The following HTRA1 variants were observed in gnomAD, a reference collection of about 807,000 sequenced individuals.
HTRA1 encodes the protein serine protease HTRA1.
In HTRA1, 26 loss-of-function variants were observed where a neutral mutation model predicts 49.7. The ratio of observed to expected loss-of-function variants is 0.52; its 90% CI spans 0.38 to 0.73. The LOEUF (loss-of-function observed/expected upper bound fraction) is 0.73. Among genes scored for constraint, HTRA1 ranks in the 30% least tolerant of loss-of-function variants. HTRA1 has a pLI of 0.00. For synonymous variants in HTRA1, 291 were observed against 286.9 expected, an observed-to-expected ratio of 1.01 and a Z score of -0.14; for missense variants, 561 against 667.2, an observed-to-expected ratio of 0.84 and a Z score of 1.75.
rs201305795 is a variant in HTRA1, at chr10:122,489,616, T to C, written c.767T>C (p.Ile256Thr). ...AAAGCAGACATCGCACTCATCAAAA[T>C]TGACCACCAGGTAAGGGTGTTCTCG... ...DEKADIALIK[I>T]DHQGKLPVLL... The change falls in exon 3 of 9, where the codon ATT becomes ACT. Residue 256 changes from isoleucine (I) to threonine (T), a missense_variant. This residue lies in a region of HTRA1 where 271 missense variants were observed against 410.0 expected (regional missense o/e 0.66). Coordinates refer to ENST00000368984, the MANE Select transcript of HTRA1 (RefSeq NM_002775.5). The C allele has an allele frequency of 1.1e-5, 18 of 1,613,454 alleles. No homozygotes were observed. The highest frequency in any genetic ancestry group is 4.0e-5 in the African/African-American group (3 of 74,934).
chr10:122,478,848 C>G (rs895856008), intron 1 of HTRA1, among the ~76,000 whole-genome samples: 1 of 152,210 alleles, frequency 6.6e-6, no homozygotes, highest in Non-Finnish European at 1.5e-5. Flanking sequence ...CACACCTTGC[C>G]CCGTGTTCAG....
chr10:122,505,885 C>T (rs1271994817), intron 3 of HTRA1, among the ~76,000 whole-genome samples: 4 of 152,312 alleles, frequency 2.6e-5, no homozygotes, highest in Admixed American at 6.5e-5. Flanking sequence ...TTCTGTGGTT[C>T]CCCCCAGCTC....
At chr10:122,468,552 G>C (rs746491307) in intron 1 of HTRA1, among the ~76,000 whole-genome samples, 3 of 152,152 alleles carry the variant, frequency 2.0e-5, no homozygotes, top group Non-Finnish European at 2.9e-5. Context: ...CAGAGAAGGA[G>C]GGTGATGTGA....
At position 122,506,703 on chromosome 10, in the gene HTRA1, G is replaced by A; in HGVS notation, c.790G>A (p.Val264Ile). ...ATTGTGGTTTCAGGGCAAGCTGCCT[G>A]TCCTGCTGCTTGGCCGCTCCTCAGA... ...IKIDHQGKLP[V>I]LLLGRSSELR... Residue 264 changes from valine (V) to isoleucine (I), a missense_variant, in exon 4 of 9, where the codon GTC (valine) becomes ATC (isoleucine). Transcript: ENST00000368984. The surrounding 1 kb of genome is among the most constrained non-coding windows in gnomAD (Gnocchi z 5.2). 6.2e-7 allele frequency: 1 copy of A among 1,613,050 alleles called. No individual in the cohort carries two copies. The highest frequency in any genetic ancestry group is 1.1e-5 in the South Asian group (1 of 91,082).
rs974105294 is a variant in HTRA1, at chr10:122,487,400, C to T, written c.473-1502C>T. Among the ~76,000 whole-genome samples the T allele has an allele frequency of 3.9e-5, 6 of 152,166 alleles. No individual in the cohort carries two copies. Among genetic ancestry groups the T allele is most frequent in the African/African-American group, 7.2e-5 (3 of 41,444 alleles). ...GGGACACACTGCCTCTGCCACCACC[C>T]GTGCCACGAAAATGGGAGCCCAGGA... On this transcript the variant is annotated intron_variant, in intron 1 of 8. Transcript: ENST00000368984. The surrounding 1 kb of genome is among the most constrained non-coding windows in gnomAD (Gnocchi z 4.8).
chr10:122,461,827 CG>C lies in HTRA1; in HGVS notation c.178del (p.Asp60ThrfsTer155). On this transcript the variant is annotated frameshift_variant, in exon 1 of 9. Coordinates refer to ENST00000368984, the MANE Select transcript of HTRA1 (RefSeq NM_002775.5). LOFTEE classifies it high-confidence loss of function. ...QPEHCEGGRA[R>X]DACGCCEVCG... ...GGAGCACTGCGAGGGCGGCCGGGCC[CG>C]GGACGCGTGCGGCTGCTGCGAGGTG... 1 of 1,109,198 alleles carries C rather than the reference CG, an allele frequency of 9.0e-7. No homozygotes were observed. The highest frequency in any genetic ancestry group is 1.1e-6 in the Non-Finnish European group (1 of 912,430). 68.7% of individuals were successfully genotyped at this position (1,109,198 alleles called of 1,614,324 possible).
intron 1 of HTRA1, among the ~76,000 whole-genome samples, chr10:122,486,725 AGTG>A (rs978434703): frequency 6.7e-6 from 1 of 150,144 alleles, no homozygotes; most frequent in Non-Finnish European, 1.5e-5. Context: ...TTGCCACTCT[AGTG>A]ATGAGAGAGG....
chr10:122,476,146 A>G (rs1361931096), intron 1 of HTRA1, among the ~76,000 whole-genome samples: 1 of 152,172 alleles, frequency 6.6e-6, no homozygotes, highest in Non-Finnish European at 1.5e-5. Flanking sequence ...TGACCCTCAG[A>G]GAGAACATAG....
intron 1 of HTRA1, among the ~76,000 whole-genome samples, chr10:122,477,866 C>G (rs1417884838): frequency 6.6e-6 from 1 of 151,822 alleles, no homozygotes; most frequent in Non-Finnish European, 1.5e-5. Context: ...GCATTTTATG[C>G]TCCTGCCTTT....
At chr10:122,466,454 A>G (rs2097483822) in intron 1 of HTRA1, among the ~76,000 whole-genome samples, 1 of 152,200 alleles carries the variant, frequency 6.6e-6, no homozygotes, top group East Asian at 1.9e-4. Flanking sequence ...GGAGTGAGCC[A>G]CTGCACCCGT....
intron 1 of HTRA1, among the ~76,000 whole-genome samples, chr10:122,465,322 T>C (rs1401135000): frequency 6.6e-6 from 1 of 152,218 alleles, no homozygotes; most frequent in Admixed American, 6.5e-5. Context: ...GAAATACTAA[T>C]AGGGTACTAA....
intron 2 of HTRA1, 100 bp from the exon 3 acceptor site, chr10:122,489,322 G>A (rs2097494627): frequency 1.8e-6 from 2 of 1,120,272 alleles, no homozygotes; most frequent in African/African-American, 1.5e-5. Flanking sequence ...AAGGAGCGAT[G>A]GCTAGGTGTG....
At chr10:122,503,907 T>A (rs2097501958) in intron 3 of HTRA1, among the ~76,000 whole-genome samples, 1 of 152,194 alleles carries the variant, frequency 6.6e-6, no homozygotes, top group East Asian at 1.9e-4. Context: ...TGGTGCAGCC[T>A]TTGCCTAAAT....
In HTRA1 at chr10:122,506,795, C is replaced by A. The variant is rs202171123; in HGVS notation, c.882C>A (p.Thr294=). 7 of 1,613,842 alleles carry A rather than the reference C, an allele frequency of 4.3e-6. No individual in the cohort carries two copies. The East Asian group carries it at 1.6e-4, about 36-fold the overall frequency. Residue 294 remains threonine (T), a synonymous_variant, in exon 4 of 9, where the codon ACC becomes ACA. Coordinates refer to ENST00000368984, the MANE Select transcript of HTRA1 (RefSeq NM_002775.5). The surrounding 1 kb of genome is among the most constrained non-coding windows in gnomAD (Gnocchi z 5.2). ...SPFSLQNTVT[T]GIVSTTQRGG... ...TTTCCCTTCAAAACACAGTCACCAC[C>A]GGGATCGTGAGCACCACCCAGCGAG...
chr10:122,508,867 G>A, intron 6 of HTRA1, 97 bp downstream of exon 6: 1 of 773,856 alleles, frequency 1.3e-6, no homozygotes, highest in Non-Finnish European at 2.3e-6. Context: ...GCAGCCCCTA[G>A]GACTAGCCAA....
chr10:122,503,452 C>T (rs539027257), intron 3 of HTRA1, among the ~76,000 whole-genome samples: 1 of 152,162 alleles, frequency 6.6e-6, no homozygotes, highest in Non-Finnish European at 1.5e-5. Context: ...GAGCTGGGGC[C>T]GTGACCCCCA....
intron 1 of HTRA1, among the ~76,000 whole-genome samples, chr10:122,477,008 C>T (rs1388040538): frequency 1.3e-5 from 2 of 148,570 alleles, no homozygotes; most frequent in Non-Finnish European, 3.0e-5. Flanking sequence ...CACTTTGTCA[C>T]CCAGGCTGGA....
chr10:122,508,299 A>G (rs931972067), intron 5 of HTRA1, among the ~76,000 whole-genome samples: 1 of 152,198 alleles, frequency 6.6e-6, no homozygotes, highest in African/African-American at 2.4e-5. Flanking sequence ...ATCATTAGAC[A>G]TGGGAGAAGC....
intron 1 of HTRA1, among the ~76,000 whole-genome samples, chr10:122,477,340 C>G (rs148426939): frequency 6.6e-6 from 1 of 152,116 alleles, no homozygotes; most frequent in Non-Finnish European, 1.5e-5. Context: ...GCCCCTCAGA[C>G]GGCTAAAGAT....
Sources: gnomAD v4.1 joint callset for allele counts (sites outside exome capture counted in the v4.1 genomes callset) on GRCh38, gnomAD v4.1.1 for gene constraint, gnomAD v4.1.1 regional missense constraint, Gnocchi (gnomAD v3.1) non-coding constraint, MANE v1.5 for transcripts, NCBI Gene and HGNC (gene_info 2026-07-23, HGNC 2026-07-21) for gene names.